The following MYO1E variants were observed in gnomAD, a reference collection of about 807,000 sequenced individuals.
MYO1E encodes myosin IE, also known as unconventional myosin-Ie.
In MYO1E, 68 loss-of-function variants were observed where a neutral mutation model predicts 151.1. The ratio of observed to expected loss-of-function variants is 0.45; its 90% confidence interval spans 0.37 to 0.55. MYO1E has a LOEUF of 0.55. Among genes scored for constraint, MYO1E ranks in the 20% least tolerant of loss-of-function variants. The pLI is 0.00. For synonymous variants in MYO1E, 601 were observed against 501.7 expected, an observed-to-expected ratio of 1.20 and a Z score of -2.64; for missense variants, 1,363 against 1,389.3, an observed-to-expected ratio of 0.98 and a Z score of 0.30.
chr15:59,156,615 C>G (rs753043762), intron 25 of MYO1E, among the ~76,000 whole-genome samples: 2 of 152,248 alleles, frequency 1.3e-5, no homozygotes. Context: ...AGGCGTAAGC[C>G]ACCATGACCA....
chr15:59,208,191 A>G lies in MYO1E; in HGVS notation c.1530+490T>C, dbSNP rs1275578071. 1.3e-5 allele frequency: 14 copies of G among 1,040,498 alleles called. No individual in the cohort carries two copies. The East Asian group carries it at 3.3e-4, about 25-fold the overall frequency. 64.5% of individuals were successfully genotyped at this position (1,040,498 alleles called of 1,614,324 possible). ...GAATTCCTAAAAGATGGAAACAGGA[A>G]AGTAGGTAGAGTGATTTTCCTATTT... On this transcript the variant is annotated intron_variant, in intron 14 of 27. Coordinates refer to ENST00000288235, the MANE Select transcript of MYO1E (RefSeq NM_004998.4).
At chr15:59,267,767 G>A (rs1234086054) in intron 2 of MYO1E, among the ~76,000 whole-genome samples, 2 of 152,304 alleles carry the variant, frequency 1.3e-5, no homozygotes, top group East Asian at 1.9e-4. Flanking sequence ...ATGCACAATA[G>A]ACAACACTGT....
chr15:59,233,890 CA>C (rs11445698), intron 5 of MYO1E, among the ~76,000 whole-genome samples: 3 of 147,542 alleles, frequency 2.0e-5, no homozygotes, highest in African/African-American at 5.0e-5. Flanking sequence ...GACTTAGTAC[CA>C]AAAAAAAAAA....
intron 5 of MYO1E, among the ~76,000 whole-genome samples, chr15:59,232,517 G>A (rs778734019): frequency 7.2e-5 from 11 of 152,234 alleles, no homozygotes; most frequent in Non-Finnish European, 1.5e-4. Context: ...GTTCTATGCA[G>A]AAGTGTGCAA....
chr15:59,260,541 G>C (rs1307627803), intron 3 of MYO1E, among the ~76,000 whole-genome samples: 1 of 152,172 alleles, frequency 6.6e-6, no homozygotes, highest in Admixed American at 6.5e-5. Flanking sequence ...GGAAAAAGAT[G>C]CAGAGATGGG....
intron 1 of MYO1E, among the ~76,000 whole-genome samples, chr15:59,324,666 C>CCCG (rs1267537987): frequency 2.0e-5 from 3 of 149,802 alleles, no homozygotes; most frequent in Non-Finnish European, 3.0e-5. Context: ...ATCCCAAGCC[C>CCCG]CCCCCCCACA....
chr15:59,344,474 C>T (rs2080782970), intron 1 of MYO1E, among the ~76,000 whole-genome samples: 1 of 152,218 alleles, frequency 6.6e-6, no homozygotes, highest in Non-Finnish European at 1.5e-5. Flanking sequence ...CTGAAGCCAG[C>T]ACAACACTGG....
chr15:59,192,357 TA>T (rs1375441160), intron 17 of MYO1E, among the ~76,000 whole-genome samples: 1 of 152,038 alleles, frequency 6.6e-6, no homozygotes, highest in Non-Finnish European at 1.5e-5. Context: ...ATTTACTGAA[TA>T]AAATGTACCA....
intron 1 of MYO1E, among the ~76,000 whole-genome samples, chr15:59,313,330 A>G (rs1314970610): frequency 2.6e-5 from 4 of 152,220 alleles, no homozygotes; most frequent in African/African-American, 9.6e-5. Context: ...GCAACTGTTA[A>G]TACGCATCTG....
At chr15:59,360,091 G>T (rs1483537767) in intron 1 of MYO1E, among the ~76,000 whole-genome samples, 1 of 152,190 alleles carries the variant, frequency 6.6e-6, no homozygotes, top group Non-Finnish European at 1.5e-5. Context: ...AACGGCTGAA[G>T]TTGAGGGATT....
In MYO1E at chr15:59,372,555, G is replaced by T; in HGVS notation, c.-55C>A. 6.5e-7 allele frequency: 1 copy of T among 1,533,940 alleles called. No individual in the cohort carries two copies. The highest frequency in any genetic ancestry group is 1.4e-5 in the African/African-American group (1 of 72,770). On this transcript the variant is annotated 5_prime_UTR_variant, in exon 1 of 28. Transcript: ENST00000288235. ...CGGGTCCCGCTGCCGGGGAACTGGG[G>T]CTGGAACGCAGTCTTCTGGGCGAAC...
intron 3 of MYO1E, 73 bp from the exon 4 acceptor site, chr15:59,256,451 T>G (rs1009759643): frequency 4.9e-6 from 4 of 813,744 alleles, no homozygotes; most frequent in Admixed American, 5.1e-5. Context: ...CATGGTCAGA[T>G]AGGCAATACA....
At chr15:59,142,587 C>T (rs184133579) in intron 26 of MYO1E, among the ~76,000 whole-genome samples, 28 of 152,220 alleles carry the variant, frequency 1.8e-4, no homozygotes, top group Admixed American at 2.6e-4. Flanking sequence ...ATTAGTTCGC[C>T]CCATCCTCAA....
intron 1 of MYO1E, among the ~76,000 whole-genome samples, chr15:59,278,654 A>C (rs1413743914): frequency 6.6e-6 from 1 of 152,178 alleles, no homozygotes; most frequent in Non-Finnish European, 1.5e-5. Context: ...TGTGTCTCTG[A>C]AGCAAGTATG....
intron 1 of MYO1E, among the ~76,000 whole-genome samples, chr15:59,311,497 C>G (rs896213623): frequency 6.6e-6 from 1 of 152,066 alleles, no homozygotes; most frequent in Admixed American, 6.6e-5. Flanking sequence ...GGGTTGGGGA[C>G]CCCTGCTCTA....
Position 59,227,957 on chromosome 15 carries a change from ATC to A in MYO1E, c.511-369_511-368del, listed in dbSNP as rs566645899. ...GAGCACTCTTGCTCTGTCAGGCTTC[ATC>A]TCATGGCTTTGAGCAAAAACACTCA... On this transcript the variant is annotated intron_variant, in intron 6 of 27. Coordinates refer to ENST00000288235, the MANE Select transcript of MYO1E (RefSeq NM_004998.4). Among the ~76,000 whole-genome samples, 113 of 152,318 alleles carry A rather than the reference ATC, an allele frequency of 7.4e-4. 1 individual carries two copies. The highest frequency in any genetic ancestry group is 2.6e-3 in the African/African-American group (110 of 41,562).
chr15:59,245,218 T>C (rs117411045), intron 4 of MYO1E, among the ~76,000 whole-genome samples: 125 of 152,296 alleles, frequency 8.2e-4, no homozygotes, highest in Middle Eastern at 6.8e-3. Context: ...GGCAGGAAGA[T>C]AGCTTGAGAA....
rs146708255 is a variant in MYO1E, at chr15:59,369,149, C to G, written c.3+3349G>C. 2.9e-3 allele frequency among the ~76,000 whole-genome samples: 439 copies of G among 152,322 alleles called. 6 individuals carry two copies. Among genetic ancestry groups the G allele is most frequent in the African/African-American group, 0.01 (425 of 41,570 alleles). ...ACATTTGAAATGTATTCCAGACTTTCTAAATACATGCCATGCCATCACCTA... is the reference window on the plus strand; with the variant it reads ...ACATTTGAAATGTATTCCAGACTTTGTAAATACATGCCATGCCATCACCTA... On this transcript the variant is annotated intron_variant, in intron 1 of 27. Transcript: ENST00000288235.
intron 1 of MYO1E, among the ~76,000 whole-genome samples, chr15:59,328,088 G>T (rs551610933): frequency 1.3e-5 from 2 of 152,340 alleles, no homozygotes; most frequent in African/African-American, 2.4e-5. Context: ...ATGGTGGGGG[G>T]GTTCCCCCTC....
Sources: allele counts gnomAD v4.1 joint callset (sites outside exome capture counted in the v4.1 genomes callset), GRCh38; gene constraint gnomAD v4.1.1; transcripts MANE v1.5; gene names NCBI Gene and HGNC (gene_info 2026-07-23, HGNC 2026-07-21).